CAMK2A: variants seen among roughly 807,000 people sequenced by gnomAD.
The protein encoded by CAMK2A is calcium/calmodulin dependent protein kinase II alpha, also known as calcium/calmodulin-dependent protein kinase type II subunit alpha.
A neutral mutation model predicts 79.2 loss-of-function variants in CAMK2A; 7 were observed. The ratio of observed to expected loss-of-function variants is 0.09; its 90% confidence interval spans 0.05 to 0.17. The LOEUF (loss-of-function observed/expected upper bound fraction) is 0.17. CAMK2A is among the 10% of genes least tolerant of loss of function. The probability of loss-of-function intolerance (pLI) is 1.00; values close to 1 mark genes in which losing one functional copy is unlikely to be tolerated. For missense variants in CAMK2A, 214 were observed against 646.4 expected (o/e 0.33, Z 7.25); for synonymous variants, 242 against 251.7 (o/e 0.96, Z 0.36).
intron 18 of CAMK2A, 101 bp downstream of exon 18, chr5:150,222,888 C>T: frequency 7.1e-7 from 1 of 1,405,938 alleles, no homozygotes; most frequent in Non-Finnish European, 1.0e-6. Context: ...ACTCTGCAGC[C>T]TTTCAGAGCT....
chr5:150,271,544 G>A (rs781017949), intron 2 of CAMK2A, among the ~76,000 whole-genome samples: 6 of 152,142 alleles, frequency 3.9e-5, no homozygotes, highest in African/African-American at 1.4e-4. Flanking sequence ...ACACAGCTGC[G>A]CCTATCAAAC....
At chr5:150,243,834 G>A (rs1755448799) in intron 13 of CAMK2A, among the ~76,000 whole-genome samples, 1 of 152,052 alleles carries the variant, frequency 6.6e-6, no homozygotes, top group Admixed American at 6.5e-5. Flanking sequence ...ACCCAGCCGA[G>A]GTCCAGCTGC....
At position 150,237,263 on chromosome 5, in the gene CAMK2A, C is replaced by T. The variant is rs540671608; in HGVS notation, c.1066+1437G>A. On this transcript the variant is annotated intron_variant, in intron 15 of 18. Transcript: ENST00000671881. ...CACAATTTTACAAAAATGTTTCCTA[C>T]GTAATACAATGCTCTTTTTCCCATC... 2.1e-4 allele frequency among the ~76,000 whole-genome samples: 32 copies of T among 152,286 alleles called. 1 individual carries two copies. The highest frequency in any genetic ancestry group is 1.7e-3 in the South Asian group (8 of 4,826).
chr5:150,227,472 T>C (rs1228255123), intron 17 of CAMK2A, among the ~76,000 whole-genome samples: 3 of 152,082 alleles, frequency 2.0e-5, no homozygotes, highest in African/African-American at 7.2e-5. Flanking sequence ...ACTTCTTAGG[T>C]CCTTCCTCCC....
At chr5:150,245,330 T>C in intron 12 of CAMK2A, 129 bp from the exon 13 acceptor site, 1 of 743,232 alleles carries the variant, frequency 1.3e-6, no homozygotes, top group Non-Finnish European at 2.3e-6. Context: ...CCAGCGATCC[T>C]GGGGGAGGCC....
At chr5:150,255,093 G>T (rs149986551) in intron 6 of CAMK2A, among the ~76,000 whole-genome samples, 1 of 152,176 alleles carries the variant, frequency 6.6e-6, no homozygotes, top group Admixed American at 6.5e-5. Flanking sequence ...CCTGGGTCTC[G>T]GTAACCGTCC....
chr5:150,263,428 TCA>T (rs1023240692), intron 3 of CAMK2A, among the ~76,000 whole-genome samples: 22 of 149,326 alleles, frequency 1.5e-4, no homozygotes, highest in African/African-American at 7.4e-5. Context: ...ATACGCACAT[TCA>T]CACACACATT....
intron 10 of CAMK2A, 84 bp downstream of exon 10, chr5:150,250,604 A>C (rs2150279359): frequency 3.2e-6 from 5 of 1,558,260 alleles, no homozygotes; most frequent in Non-Finnish European, 4.4e-6. Context: ...CCCATGGGCC[A>C]GGGGAAGGGC....
intron 13 of CAMK2A, among the ~76,000 whole-genome samples, chr5:150,244,159 C>T (rs1346613438): frequency 2.0e-5 from 3 of 152,204 alleles, no homozygotes; most frequent in Non-Finnish European, 2.9e-5. Context: ...CAAATCCACA[C>T]CCCACTCGTT....
At chr5:150,226,076 G>T (rs1357709587) in intron 17 of CAMK2A, among the ~76,000 whole-genome samples, 4 of 152,158 alleles carry the variant, frequency 2.6e-5, no homozygotes, top group African/African-American at 7.2e-5. Context: ...TAGCCTTGGA[G>T]AATTCATTTG....
Position 150,228,214 on chromosome 5 carries a change from G to A in CAMK2A, c.1215C>T (p.Phe405=), listed in dbSNP as rs1249222565. The change falls in exon 17 of 19, where the codon TTC becomes TTT. Residue 405 remains phenylalanine, a synonymous_variant. Transcript: ENST00000671881. Reference sequence around the variant, plus strand: ...CACGGTTTTCAAAATAGAATCGATGGAAGTCCAGGCCCTCAACCAGGTTCC... The same window carrying A: ...CACGGTTTTCAAAATAGAATCGATGAAAGTCCAGGCCCTCAACCAGGTTCC... ...ALGNLVEGLD[F]HRFYFENLWS... 3 of 1,613,608 alleles carry A rather than the reference G, an allele frequency of 1.9e-6. No individual in the cohort carries two copies. Among genetic ancestry groups the A allele is most frequent in the East Asian group, 2.2e-5 (1 of 44,878 alleles).
At chr5:150,272,305 G>A (rs780372806) in intron 2 of CAMK2A, among the ~76,000 whole-genome samples, 7 of 152,146 alleles carry the variant, frequency 4.6e-5, no homozygotes, top group East Asian at 1.9e-4. Flanking sequence ...TGGCTCACAC[G>A]TGTAATCCCA....
chr5:150,280,652 T>C (rs1411403923), intron 1 of CAMK2A, among the ~76,000 whole-genome samples: 1 of 150,176 alleles, frequency 6.7e-6, no homozygotes, highest in Non-Finnish European at 1.5e-5. Flanking sequence ...CCCTCACCAC[T>C]ACCCCTTGCA....
At chr5:150,265,349 T>C in intron 2 of CAMK2A, 1 of 264,454 alleles carries the variant, frequency 3.8e-6, no homozygotes, top group Non-Finnish European at 7.6e-6. Context: ...ACTTCACCTC[T>C]ACAAGCAGAT....
rs1307022900 is a variant in CAMK2A at position 150,221,259 on chromosome 5, G to A, written c.*1451C>T. 1 of 396,798 alleles carries A rather than the reference G, an allele frequency of 2.5e-6. No individual in the cohort carries two copies. The highest frequency in any genetic ancestry group is 4.4e-6 in the Non-Finnish European group (1 of 225,268). The allele number at this position is 396,798 out of a possible 1,614,324, so 24.6% of individuals were successfully genotyped here. On this transcript the variant is annotated 3_prime_UTR_variant, in exon 19 of 19. Coordinates refer to ENST00000671881, the MANE Select transcript of CAMK2A (RefSeq NM_015981.4). ...CAGTAGATCCTAGTGGATGTGCCAA[G>A]GTATTCCACTCAGAGTCAATCCCAG...
chr5:150,249,284 G>A (rs1755721062), intron 11 of CAMK2A, among the ~76,000 whole-genome samples: 1 of 152,256 alleles, frequency 6.6e-6, no homozygotes, highest in Non-Finnish European at 1.5e-5. Context: ...CACAGAACCT[G>A]CAAGAGTGTG....
rs951395995 is a variant in CAMK2A at position 150,220,386 on chromosome 5, G to A, written c.*2324C>T. Reference sequence around the variant, plus strand: ...AGGGGATGGAGCCTGACCAGGTCTAGAAGTAAACAGGAGTCCAGCCAGTGA... The same window carrying A: ...AGGGGATGGAGCCTGACCAGGTCTAAAAGTAAACAGGAGTCCAGCCAGTGA... On this transcript the variant is annotated 3_prime_UTR_variant, in exon 19 of 19. Transcript: ENST00000671881. The A allele has an allele frequency of 6.6e-6, 1 of 152,354 alleles. No homozygotes were observed. The highest frequency in any genetic ancestry group is 2.4e-5 in the African/African-American group (1 of 41,460). 9.4% of individuals were successfully genotyped at this position (152,354 alleles called of 1,614,324 possible).
Position 150,250,625 on chromosome 5 carries a change from TG to T in CAMK2A, c.816+62del, listed in dbSNP as rs1415326424. 3 of 1,599,086 alleles carry T rather than the reference TG, an allele frequency of 1.9e-6. No homozygotes were observed. The East Asian group carries it at 6.7e-5, about 36-fold the overall frequency. The stretch of plus-strand genomic sequence containing the variant: ...GGCCAGGGGAAGGGCCAGAACTCTG[TG>T]GGGGCCTGGATCATGAGGTCTGGAG... On this transcript the variant is annotated intron_variant, in intron 10 of 18. Coordinates refer to ENST00000671881, the MANE Select transcript of CAMK2A (RefSeq NM_015981.4).
intron 15 of CAMK2A, among the ~76,000 whole-genome samples, chr5:150,231,801 A>C (rs370091524): frequency 6.6e-6 from 1 of 152,176 alleles, no homozygotes; most frequent in African/African-American, 2.4e-5. Context: ...AACAGGATCA[A>C]CTGTGGCACT....
Sources: gnomAD v4.1 joint callset for allele counts (sites outside exome capture counted in the v4.1 genomes callset) on GRCh38, gnomAD v4.1.1 for gene constraint, MANE v1.5 for transcripts, NCBI Gene and HGNC (gene_info 2026-07-23, HGNC 2026-07-21) for gene names.